KIRREL1: variants seen among roughly 807,000 people sequenced by gnomAD.
The protein encoded by KIRREL1 is kirre like nephrin family adhesion molecule 1, also known as kin of IRRE-like protein 1.
KIRREL1 carries 25 observed loss-of-function variants against 83.3 expected under a neutral mutation model. The ratio of observed to expected loss-of-function variants is 0.30; its 90% confidence interval spans 0.22 to 0.42. The LOEUF (loss-of-function observed/expected upper bound fraction) is 0.42. Among genes scored for constraint, KIRREL1 ranks in the 10% least tolerant of loss-of-function variants. KIRREL1 has a pLI of 1.00. For synonymous variants in KIRREL1, 388 were observed against 410.4 expected, an observed-to-expected ratio of 0.95 and a Z score of 0.66; for missense variants, 812 against 1,032.3, an observed-to-expected ratio of 0.79 and a Z score of 2.92.
Position 158,053,194 on chromosome 1 carries a change from C to T in KIRREL1, c.53-22919C>T, listed in dbSNP as rs1179167464. 1.5e-4 allele frequency among the ~76,000 whole-genome samples: 23 copies of T among 152,188 alleles called. 1 individual carries two copies. Among genetic ancestry groups the T allele is most frequent in the Admixed American group, 1.3e-3 (20 of 15,272 alleles). On this transcript the variant is annotated intron_variant, in intron 1 of 14. Transcript: ENST00000359209. ...GTGTGTAAGTCTGTACTCACCTCTA[C>T]GTTCCTTGAGAGCAGGAGGCATGTG...
intron 1 of KIRREL1, among the ~76,000 whole-genome samples, chr1:158,072,824 G>A (rs1011558505): frequency 2.6e-5 from 4 of 152,186 alleles, no homozygotes; most frequent in Admixed American, 2.6e-4. Flanking sequence ...AGAAAGCCTA[G>A]AAAGTGAGCA....
At chr1:158,089,927 T>C (rs1662143206) in intron 10 of KIRREL1, 109 bp downstream of exon 10, 2 of 870,318 alleles carry the variant, frequency 2.3e-6, no homozygotes, top group Admixed American at 2.1e-5. Context: ...CTGTCCCGTT[T>C]CCATCCTCGA....
intron 10 of KIRREL1, among the ~76,000 whole-genome samples, chr1:158,090,599 C>A (rs956507406): frequency 6.6e-6 from 1 of 152,168 alleles, no homozygotes; most frequent in East Asian, 1.9e-4. Context: ...GCTGCTCCCC[C>A]TCCCTTAGGC....
In KIRREL1 at chr1:158,084,468, G is replaced by T; in HGVS notation, c.399G>T (p.Leu133=). 2 of 1,551,804 alleles carry T rather than the reference G, an allele frequency of 1.3e-6. No individual in the cohort carries two copies. The highest frequency in any genetic ancestry group is 1.2e-5 in the South Asian group (1 of 84,054). The change falls in exon 4 of 15, where the codon CTG becomes CTT. Residue 133 remains leucine (L), a synonymous_variant. Coordinates refer to ENST00000359209, the MANE Select transcript of KIRREL1 (RefSeq NM_018240.7). ...TRIDGGPVIL[L]QAGTPHNLTC... ...TTGACGGAGGCCCTGTGATTCTACT[G>T]CAGGCAGGCACCCCCCACAACCTCA...
intron 1 of KIRREL1, among the ~76,000 whole-genome samples, chr1:158,010,664 T>C (rs74918907): frequency 0.05 from 7,569 of 152,234 alleles, 177 homozygotes; most frequent in Non-Finnish European, 0.058. Context: ...CTGAAAGCTA[T>C]TTCTTCTCTT....
intron 1 of KIRREL1, among the ~76,000 whole-genome samples, chr1:157,999,608 G>A (rs542124031): frequency 1.1e-3 from 166 of 152,210 alleles, no homozygotes; most frequent in Non-Finnish European, 1.7e-3. Flanking sequence ...CATATGTCCA[G>A]AGATGAGAAA....
At chr1:158,025,167 G>A (rs937386770) in intron 1 of KIRREL1, among the ~76,000 whole-genome samples, 4 of 152,172 alleles carry the variant, frequency 2.6e-5, no homozygotes, top group African/African-American at 9.6e-5. Context: ...AGAAAAGTCA[G>A]ATGGGTCCTC....
At chr1:158,002,351 C>A (rs1310663276) in intron 1 of KIRREL1, among the ~76,000 whole-genome samples, 1 of 152,194 alleles carries the variant, frequency 6.6e-6, no homozygotes, top group Non-Finnish European at 1.5e-5. Context: ...AGGGCCCATC[C>A]GGGTTTAGTC....
chr1:158,079,878 C>G (rs1393893124), intron 3 of KIRREL1, among the ~76,000 whole-genome samples: 1 of 152,072 alleles, frequency 6.6e-6, no homozygotes, highest in Non-Finnish European at 1.5e-5. Flanking sequence ...AAGGTCTGGG[C>G]GAATGTGAGA....
chr1:158,088,417 C>T lies in KIRREL1; in HGVS notation c.1007C>T (p.Pro336Leu). 3.2e-6 allele frequency: 5 copies of T among 1,571,336 alleles called. No homozygotes were observed. The highest frequency in any genetic ancestry group is 3.5e-6 in the Non-Finnish European group (4 of 1,141,310). Residue 336 changes from proline (P) to leucine (L), a missense_variant, in exon 8 of 15, where the codon CCC becomes CTC. This residue lies in a region of KIRREL1 where 472 missense variants were observed against 626.8 expected (regional missense o/e 0.75). Transcript: ENST00000359209. ...TLTCVWVGNP[P>L]LTLTWTKKDS... is the part of the protein sequence containing the mutation. ...ACCTGTGTCTGGGTTGGGAATCCCC[C>T]CCTCACTCTCACCTGGACCAAAAAG...
intron 1 of KIRREL1, among the ~76,000 whole-genome samples, chr1:158,031,626 C>T (rs994681496): frequency 1.3e-5 from 2 of 152,272 alleles, no homozygotes; most frequent in East Asian, 1.9e-4. Flanking sequence ...AATGGCTGGG[C>T]GACTTCTGGA....
rs554308479 is a variant in KIRREL1 at position 158,024,941 on chromosome 1, G to A, written c.52+31213G>A. On this transcript the variant is annotated intron_variant, in intron 1 of 14. Transcript: ENST00000359209. ...ACCAAAAAAAGAGATCCTCCCTTCC[G>A]ATTTCTTCAGCCACCACTGTGAGCA... Among the ~76,000 whole-genome samples, 25 of 152,268 alleles carry A rather than the reference G, an allele frequency of 1.6e-4. No homozygotes were observed. The South Asian group carries it at 4.2e-3, about 25-fold the overall frequency.
At chr1:158,092,961 ATTGGAGAGT>A (rs58825993) in intron 11 of KIRREL1, among the ~76,000 whole-genome samples, 6,579 of 152,180 alleles carry the variant, frequency 0.043, 441 homozygotes, top group African/African-American at 0.15. Flanking sequence ...CGGGTGGCAG[ATTGGAGAGT>A]TTGGAGACAG....
Position 157,993,768 on chromosome 1 carries a change from C to A in KIRREL1, c.52+40C>A, listed in dbSNP as rs1659109156. ...CCCACCCCCGGACGCTCGGCTTCCCCCCGGGGCCGGGGCACTGCTTCCCCG... is the reference window on the plus strand; with the variant it reads ...CCCACCCCCGGACGCTCGGCTTCCCACCGGGGCCGGGGCACTGCTTCCCCG... On this transcript the variant is annotated intron_variant, in intron 1 of 14. Transcript: ENST00000359209. 3 of 1,373,092 alleles carry A rather than the reference C, an allele frequency of 2.2e-6. No homozygotes were observed. The East Asian group carries it at 9.2e-5, about 42-fold the overall frequency. 85.1% of individuals were successfully genotyped at this position (1,373,092 alleles called of 1,614,324 possible).
At chr1:158,059,862 G>A (rs574230397) in intron 1 of KIRREL1, among the ~76,000 whole-genome samples, 1 of 152,196 alleles carries the variant, frequency 6.6e-6, no homozygotes, top group Non-Finnish European at 1.5e-5. Flanking sequence ...GTTCTAGTTA[G>A]GATTTGGGGT....
intron 1 of KIRREL1, among the ~76,000 whole-genome samples, chr1:157,994,941 G>T (rs1376596039): frequency 2.0e-5 from 3 of 152,134 alleles, no homozygotes; most frequent in Non-Finnish European, 4.4e-5. Flanking sequence ...ATGTATGCAG[G>T]CGTTTACAAG....
chr1:158,081,747 C>T (rs573850336), intron 3 of KIRREL1, among the ~76,000 whole-genome samples: 11 of 152,164 alleles, frequency 7.2e-5, no homozygotes, highest in East Asian at 5.8e-4. Context: ...GATGAGCTCA[C>T]GGAGGATGGG....
At chr1:157,999,433 G>A (rs1286013124) in intron 1 of KIRREL1, among the ~76,000 whole-genome samples, 1 of 152,104 alleles carries the variant, frequency 6.6e-6, no homozygotes, top group East Asian at 1.9e-4. Flanking sequence ...GGTGTAGGCA[G>A]GAGAGTTGTT....
intron 1 of KIRREL1, among the ~76,000 whole-genome samples, chr1:158,002,216 G>T (rs973185493): frequency 2.0e-5 from 3 of 152,158 alleles, no homozygotes; most frequent in African/African-American, 7.2e-5. Context: ...AGAGTTCAAC[G>T]GCAGTAACTG....
Sources: gnomAD v4.1 joint callset for allele counts (sites outside exome capture counted in the v4.1 genomes callset) on GRCh38, gnomAD v4.1.1 for gene constraint, gnomAD v4.1.1 regional missense constraint, MANE v1.5 for transcripts, NCBI Gene and HGNC (gene_info 2026-07-23, HGNC 2026-07-21) for gene names.